NTM: variants seen among roughly 807,000 people sequenced by gnomAD.
The protein encoded by NTM is neurotrimin.
A neutral mutation model predicts 42.1 loss-of-function variants in NTM; 13 were observed. That is an observed-to-expected ratio of 0.31 (90% confidence interval 0.20 to 0.49). The LOEUF (loss-of-function observed/expected upper bound fraction) is 0.49. Among genes scored for constraint, NTM ranks in the 20% least tolerant of loss-of-function variants. The pLI is 0.99. For synonymous variants in NTM, 187 were observed against 179.2 expected (o/e 1.04, Z -0.35); for missense variants, 373 against 452.8 (o/e 0.82, Z 1.60).
chr11:132,106,521 C>T (rs980915693), intron 2 of NTM, among the ~76,000 whole-genome samples: 20 of 152,238 alleles, frequency 1.3e-4, no homozygotes, highest in Non-Finnish European at 2.8e-4. Context: ...GCCAAAGGAG[C>T]TGCCAAGAAC....
At chr11:132,050,430 T>TG (rs1220715915) in intron 2 of NTM, among the ~76,000 whole-genome samples, 1 of 152,010 alleles carries the variant, frequency 6.6e-6, no homozygotes, top group Non-Finnish European at 1.5e-5. Context: ...CTAACAAAGT[T>TG]GGGGGGAAAG....
intron 2 of NTM, among the ~76,000 whole-genome samples, chr11:131,931,499 G>GTGTGTGTGTA (rs2058618394): frequency 6.7e-6 from 1 of 150,134 alleles, no homozygotes; most frequent in African/African-American, 2.5e-5. Context: ...GTGTGTGTGT[G>GTGTGTGTGTA]TGTGTATGTG....
At chr11:131,447,614 G>A (rs1013915976) in intron 1 of NTM, among the ~76,000 whole-genome samples, 4 of 152,146 alleles carry the variant, frequency 2.6e-5, no homozygotes, top group Admixed American at 2.0e-4. Flanking sequence ...GTTTGTATTT[G>A]TATTTGTTTC....
intron 4 of NTM, among the ~76,000 whole-genome samples, chr11:132,246,427 C>G (rs376511680): frequency 2.6e-5 from 4 of 152,326 alleles, no homozygotes; most frequent in African/African-American, 7.2e-5. Flanking sequence ...GAGCACCGCA[C>G]GGCCACAGAT....
At chr11:131,853,028 C>T (rs1001175225) in intron 1 of NTM, among the ~76,000 whole-genome samples, 1 of 150,882 alleles carries the variant, frequency 6.6e-6, no homozygotes, top group African/African-American at 2.4e-5. Flanking sequence ...CTCCCACGCA[C>T]CCATCCACCC....
chr11:132,249,622 C>A (rs556745107), intron 4 of NTM, among the ~76,000 whole-genome samples: 1 of 152,312 alleles, frequency 6.6e-6, no homozygotes, highest in African/African-American at 2.4e-5. Flanking sequence ...ATCCTCCTTT[C>A]CTTTAAACAC....
intron 1 of NTM, among the ~76,000 whole-genome samples, chr11:131,497,778 T>A (rs1041630667): frequency 7.2e-5 from 11 of 152,180 alleles, no homozygotes; most frequent in African/African-American, 2.7e-4. Context: ...ACTTCCTTGT[T>A]CTTTATGTCT....
At chr11:131,540,151 CTTGTTTTTT>C (rs2052985847) in intron 1 of NTM, among the ~76,000 whole-genome samples, 1 of 110,698 alleles carries the variant, frequency 9.0e-6, no homozygotes, top group African/African-American at 3.3e-5. Flanking sequence ...GCTATTTAAG[CTTGTTTTTT>C]TTTTTTTTTT....
At chr11:131,828,407 A>C (rs2042397984) in intron 1 of NTM, among the ~76,000 whole-genome samples, 1 of 151,984 alleles carries the variant, frequency 6.6e-6, no homozygotes, top group South Asian at 2.1e-4. Context: ...CATCAGCATC[A>C]CTACCACCTT....
At chr11:132,262,859 T>G (rs2092951038) in intron 4 of NTM, among the ~76,000 whole-genome samples, 1 of 152,238 alleles carries the variant, frequency 6.6e-6, no homozygotes, top group South Asian at 2.1e-4. Flanking sequence ...AAGTCTCATT[T>G]AAATATCATC....
chr11:131,660,235 T>A (rs1204981859), intron 1 of NTM: 1 of 335,644 alleles, frequency 3.0e-6, no homozygotes, highest in Non-Finnish European at 6.0e-6. Flanking sequence ...CTGAACACAA[T>A]GACCCATTCA....
At chr11:132,280,798 C>A (rs2093948150) in intron 4 of NTM, among the ~76,000 whole-genome samples, 1 of 150,712 alleles carries the variant, frequency 6.6e-6, no homozygotes. Flanking sequence ...TGATAGTCTT[C>A]TTATTGTGAA....
chr11:132,217,055 C>G (rs1160579085), intron 4 of NTM, among the ~76,000 whole-genome samples: 1 of 152,180 alleles, frequency 6.6e-6, no homozygotes, highest in Non-Finnish European at 1.5e-5. Context: ...GAGCTTCCTT[C>G]TGCTGTCATG....
chr11:131,654,314 C>A (rs1229881814), intron 1 of NTM, among the ~76,000 whole-genome samples: 1 of 152,208 alleles, frequency 6.6e-6, no homozygotes, highest in Non-Finnish European at 1.5e-5. Flanking sequence ...CCATCCACCC[C>A]CACCGCCAAA....
intron 1 of NTM, among the ~76,000 whole-genome samples, chr11:131,704,908 G>A (rs2076440194): frequency 1.3e-5 from 2 of 152,084 alleles, no homozygotes; most frequent in Admixed American, 1.3e-4. Flanking sequence ...CAGGTCATTT[G>A]AAATTACCCA....
At chr11:131,818,232 G>T (rs996347680) in intron 1 of NTM, among the ~76,000 whole-genome samples, 7 of 140,702 alleles carry the variant, frequency 5.0e-5, no homozygotes, top group Non-Finnish European at 8.9e-5. Flanking sequence ...CTCCTCAGAG[G>T]GCTCCCACCA....
intron 1 of NTM, among the ~76,000 whole-genome samples, chr11:131,580,954 G>A (rs1042942487): frequency 1.3e-5 from 2 of 152,170 alleles, no homozygotes; most frequent in Non-Finnish European, 2.9e-5. Flanking sequence ...AAAAGTAAGA[G>A]CTATGCTTGG....
chr11:131,952,826 C>G (rs2061160436), intron 2 of NTM, among the ~76,000 whole-genome samples: 1 of 152,204 alleles, frequency 6.6e-6, no homozygotes, highest in Non-Finnish European at 1.5e-5. Context: ...ATAGCTCTGA[C>G]TGGTGACCAA....
intron 1 of NTM, among the ~76,000 whole-genome samples, chr11:131,770,006 A>C (rs1452624868): frequency 6.6e-6 from 1 of 152,144 alleles, no homozygotes; most frequent in East Asian, 1.9e-4. Context: ...AGTCAGGCAG[A>C]TCTCTCCTTC....
Sources: allele counts gnomAD v4.1 joint callset (sites outside exome capture counted in the v4.1 genomes callset), GRCh38; gene constraint gnomAD v4.1.1; transcripts MANE v1.5; gene names NCBI Gene and HGNC (gene_info 2026-07-23, HGNC 2026-07-21).